Variants in ULK4 observed in about 807,000 individuals in gnomAD.
ULK4 encodes the protein unc-51 like kinase 4.
A neutral mutation model predicts 160.6 loss-of-function variants in ULK4; 133 were observed. The ratio of observed to expected loss-of-function variants is 0.83; its 90% CI spans 0.72 to 0.96. ULK4 has a LOEUF of 0.96. ULK4 is among the 40% of genes least tolerant of loss of function. The pLI, the probability that ULK4 is intolerant of heterozygous loss-of-function variation, is 0.00. For synonymous variants in ULK4, 534 were observed against 539.8 expected (o/e 0.99, Z 0.15); for missense variants, 1,580 against 1,499.5 (o/e 1.05, Z -0.89).
intron 35 of ULK4, among the ~76,000 whole-genome samples, chr3:41,251,918 A>G (rs531813483): frequency 6.6e-6 from 1 of 152,336 alleles, no homozygotes; most frequent in East Asian, 1.9e-4. Flanking sequence ...AAAACTGTTT[A>G]TGAACTCTTG....
intron 17 of ULK4, among the ~76,000 whole-genome samples, chr3:41,847,485 T>C (rs2042097593): frequency 6.6e-6 from 1 of 152,224 alleles, no homozygotes; most frequent in Admixed American, 6.5e-5. Context: ...TTTAAAACCC[T>C]ACTTAACTAC....
chr3:41,789,684 G>A lies in ULK4; in HGVS notation c.2170C>T (p.Leu724Phe), dbSNP rs1415088728. Residue 724 changes from leucine to phenylalanine, a missense_variant, in exon 21 of 37, where the codon CTT becomes TTT. Coordinates refer to ENST00000301831, the MANE Select transcript of ULK4 (RefSeq NM_017886.4). ...ACCTTTTCTTGGATTAGTCTTTGAA[G>A]ATGAATCCCACAGGACAACATGGCA... ...FAAMLSCGIHLQRLIQEKGFV... is the reference protein window; with the variant it reads ...FAAMLSCGIHFQRLIQEKGFV... 6.3e-7 allele frequency: 1 copy of A among 1,587,484 alleles called. No individual in the cohort carries two copies. Among genetic ancestry groups the A allele is most frequent in the South Asian group, 1.2e-5 (1 of 86,560 alleles).
Position 41,908,935 on chromosome 3 carries a change from A to G in ULK4, c.1086-994T>C, listed in dbSNP as rs563148937. ...TGGCAAAACCCCATCCCTACTAAAAATACAAAAATTAGCCAGGCATGGTAG... is the reference window on the plus strand; with the variant it reads ...TGGCAAAACCCCATCCCTACTAAAAGTACAAAAATTAGCCAGGCATGGTAG... On this transcript the variant is annotated intron_variant, in intron 11 of 36. Coordinates refer to ENST00000301831, the MANE Select transcript of ULK4 (RefSeq NM_017886.4). 3.0e-4 allele frequency among the ~76,000 whole-genome samples: 45 copies of G among 152,070 alleles called. 1 individual carries two copies. In the South Asian group the frequency reaches 8.3e-3, roughly 28 times the overall value.
At chr3:41,824,631 A>G (rs981649666) in intron 18 of ULK4, among the ~76,000 whole-genome samples, 4 of 152,196 alleles carry the variant, frequency 2.6e-5, no homozygotes, top group Non-Finnish European at 4.4e-5. Flanking sequence ...GGTGCCTACC[A>G]TTGCCGAGGC....
chr3:41,511,819 G>A lies in ULK4; in HGVS notation c.3227-48566C>T, dbSNP rs181214162. Among the ~76,000 whole-genome samples the A allele has an allele frequency of 2.4e-3, 363 of 151,980 alleles. 1 individual carries two copies. The highest frequency in any genetic ancestry group is 6.8e-3 in the Middle Eastern group (2 of 294). Reference sequence around the variant, plus strand: ...AGTATCACCCTAATACCAAAACTAGGAAAGGACATAACAAAAAAAGAAAAC... The same window carrying A: ...AGTATCACCCTAATACCAAAACTAGAAAAGGACATAACAAAAAAAGAAAAC... On this transcript the variant is annotated intron_variant, in intron 32 of 36. Coordinates refer to ENST00000301831, the MANE Select transcript of ULK4 (RefSeq NM_017886.4).
chr3:41,555,838 A>G (rs1038892279), intron 32 of ULK4, among the ~76,000 whole-genome samples: 2 of 152,214 alleles, frequency 1.3e-5, no homozygotes, highest in Admixed American at 1.3e-4. Context: ...AGTCATCAAA[A>G]CAAAACAAAA....
chr3:41,670,465 G>A (rs2035500300), intron 29 of ULK4, among the ~76,000 whole-genome samples: 1 of 152,008 alleles, frequency 6.6e-6, no homozygotes, highest in African/African-American at 2.4e-5. Context: ...TGTTTTGCAT[G>A]GATACAAAGA....
intron 18 of ULK4, among the ~76,000 whole-genome samples, chr3:41,834,034 A>G (rs1357448764): frequency 6.6e-6 from 1 of 151,162 alleles, no homozygotes; most frequent in Non-Finnish European, 1.5e-5. Context: ...ATAAGAAATT[A>G]TATTTGTATT....
chr3:41,642,354 A>G (rs918270327), intron 30 of ULK4, among the ~76,000 whole-genome samples: 6 of 151,524 alleles, frequency 4.0e-5, no homozygotes, highest in African/African-American at 1.5e-4. Context: ...CCCACCCCAC[A>G]ACAGTCCCCA....
intron 35 of ULK4, among the ~76,000 whole-genome samples, chr3:41,305,636 T>C (rs887115076): frequency 5.4e-4 from 82 of 151,956 alleles, no homozygotes; most frequent in Non-Finnish European, 2.9e-5. Flanking sequence ...TCTGCCCGGC[T>C]GCCACCCCGT....
At chr3:41,943,341 G>A (rs1301716060) in intron 2 of ULK4, among the ~76,000 whole-genome samples, 2 of 151,738 alleles carry the variant, frequency 1.3e-5, no homozygotes, top group Non-Finnish European at 2.9e-5. Context: ...TTATTAGATG[G>A]TGTTGCTAGA....
intron 32 of ULK4, among the ~76,000 whole-genome samples, chr3:41,550,630 A>G (rs1271230440): frequency 6.6e-6 from 1 of 152,058 alleles, no homozygotes; most frequent in Non-Finnish European, 1.5e-5. Flanking sequence ...CACAGAACCC[A>G]GGTATATAAA....
intron 35 of ULK4, among the ~76,000 whole-genome samples, chr3:41,348,234 T>TAAAAAAAAAAAAAA (rs2080842766): frequency 1.1e-5 from 1 of 89,044 alleles, no homozygotes; most frequent in African/African-American, 5.3e-5. Flanking sequence ...AAAAAAAAAG[T>TAAAAAAAAAAAAAA]ACATGGACCA....
intron 35 of ULK4, among the ~76,000 whole-genome samples, chr3:41,291,049 TTTTTTG>T (rs559049804): frequency 3.3e-5 from 5 of 152,180 alleles, no homozygotes; most frequent in Admixed American, 1.3e-4. Flanking sequence ...AGATGGGATT[TTTTTTG>T]TTTTTGTTTT....
intron 11 of ULK4, among the ~76,000 whole-genome samples, chr3:41,910,540 G>T (rs1038956094): frequency 1.3e-5 from 2 of 151,874 alleles, no homozygotes; most frequent in African/African-American, 4.8e-5. Context: ...AGGCTGCAGT[G>T]AGCCAAGATC....
intron 21 of ULK4, among the ~76,000 whole-genome samples, chr3:41,769,216 A>G (rs2039270246): frequency 6.6e-6 from 1 of 152,236 alleles, no homozygotes; most frequent in African/African-American, 2.4e-5. Flanking sequence ...ATTCTCATTT[A>G]GTCATTTCAG....
rs534966894 is a variant in ULK4, at chr3:41,938,050, T to A, written c.238+48A>T. 376 of 1,400,050 alleles carry A rather than the reference T, an allele frequency of 2.7e-4. 2 individuals are homozygous for A. In the East Asian group the frequency reaches 8.3e-3, roughly 31 times the overall value. 86.7% of individuals were successfully genotyped at this position (1,400,050 alleles called of 1,614,324 possible). ...AAAGTAACAAAACTTAACAGCATGT[T>A]TTTTTTCAATACTATATTCATAGCA... On this transcript the variant is annotated intron_variant, in intron 3 of 36. Transcript: ENST00000301831.
intron 35 of ULK4, chr3:41,251,256 C>T (rs1423129879): frequency 6.6e-6 from 1 of 152,164 alleles, no homozygotes; most frequent in Non-Finnish European, 1.5e-5. Context: ...GTGGTTTGGC[C>T]ATTTACCTGA....
At chr3:41,656,456 T>C (rs2034939337) in intron 30 of ULK4, among the ~76,000 whole-genome samples, 1 of 152,208 alleles carries the variant, frequency 6.6e-6, no homozygotes, top group Non-Finnish European at 1.5e-5. Context: ...CATTACATTG[T>C]TTAATAAAAG....
Sources: allele counts gnomAD v4.1 joint callset (sites outside exome capture counted in the v4.1 genomes callset), GRCh38; gene constraint gnomAD v4.1.1; transcripts MANE v1.5; gene names NCBI Gene and HGNC (gene_info 2026-07-23, HGNC 2026-07-21).